GIT2: variants seen among roughly 807,000 people sequenced by gnomAD.
The protein encoded by GIT2 is ARF GTPase-activating protein GIT2.
GIT2 carries 32 observed loss-of-function variants against 100.3 expected under a neutral mutation model. The observed-to-expected ratio is 0.32, with a 90% confidence interval of 0.24 to 0.43. GIT2 has a LOEUF of 0.43. Ranked by LOEUF, GIT2 falls within the 20% of genes least tolerant of loss-of-function variation. The probability of loss-of-function intolerance (pLI) is 1.00; values close to 1 mark genes in which losing one functional copy is unlikely to be tolerated. For synonymous variants in GIT2, 353 were observed against 364.1 expected, an observed-to-expected ratio of 0.97 and a Z score of 0.35; for missense variants, 737 against 975.1, an observed-to-expected ratio of 0.76 and a Z score of 3.25.
intron 16 of GIT2, chr12:109,939,479 G>T (rs974023222): frequency 3.1e-5 from 12 of 386,272 alleles, no homozygotes; most frequent in African/African-American, 2.3e-4. Context: ...TTCCTAATCA[G>T]ATCCTTAGTA....
At chr12:109,997,021 C>T (rs1466996777), upstream of GIT2, among the ~76,000 whole-genome samples, 2 of 150,942 alleles carry the variant, frequency 1.3e-5, no homozygotes, top group African/African-American at 4.9e-5. Context: ...ACCAGCCTGG[C>T]CAACATGGTG....
Position 109,989,764 on chromosome 12 carries a change from T to C in GIT2, c.225A>G (p.Ile75Met), listed in dbSNP as rs749972562. The C allele has an allele frequency of 3.1e-6, 5 of 1,605,750 alleles. No homozygotes were observed. The African/African-American group carries it at 5.4e-5, about 17-fold the overall frequency. Residue 75 changes from isoleucine (I) to methionine (M), a missense_variant, in exon 3 of 20, where the codon ATA becomes ATG. Transcript: ENST00000355312. ...ETLYNNGANS[I>M]WEHSLLDPAS... Reference sequence around the variant, plus strand: ...CAGGGTCCAGCAAAGAATGCTCCCATATAGAGTTAGCACCGTTATTATACA... The same window carrying C: ...CAGGGTCCAGCAAAGAATGCTCCCACATAGAGTTAGCACCGTTATTATACA...
chr12:109,939,199 T>G lies in GIT2; in HGVS notation c.1780A>C (p.Asn594His). 7.4e-6 allele frequency: 12 copies of G among 1,611,650 alleles called. No homozygotes were observed. The highest frequency in any genetic ancestry group is 1.0e-5 in the Non-Finnish European group (12 of 1,177,912). The change falls in exon 17 of 20, where the codon AAC becomes CAC. Residue 594 changes from asparagine to histidine, a missense_variant. Physicochemically the swap from Asn to His is moderately conservative, Grantham distance 68 (BLOSUM62 1). Transcript: ENST00000355312. ...TCTGGCTCCATGTCGTTGGGAGTGT[T>G]GTCGTAGTCACTCTCAGGTGTGCTG... is the stretch of plus-strand genomic sequence containing the variant. ...QNSTPESDYD[N>H]TPNDMEPDGM...
Position 109,934,191 on chromosome 12 carries a change from G to T in GIT2, c.2004-106C>A. The stretch of plus-strand genomic sequence containing the variant: ...CTGTTTACATTCCCTTCATGAAGGG[G>T]CTAGGGCTGCAGTCAGCCGTGCATC... On this transcript the variant is annotated intron_variant, in intron 18 of 19. Transcript: ENST00000355312. This position sits in a 1 kb window ranked among gnomAD's most constrained non-coding sequence, Gnocchi z 4.5. 1.4e-6 allele frequency: 1 copy of T among 725,184 alleles called. No homozygotes were observed. 44.9% of individuals were successfully genotyped at this position (725,184 alleles called of 1,614,324 possible). A position where few individuals can be genotyped will look rare whatever the true frequency, so the allele number is the denominator to read the frequency against.
chr12:109,952,111 C>T (rs761211916), intron 13 of GIT2, among the ~76,000 whole-genome samples: 33 of 152,158 alleles, frequency 2.2e-4, no homozygotes, highest in Non-Finnish European at 4.3e-4. Flanking sequence ...CTGCTAATGA[C>T]GCCATCTTTC....
At chr12:109,958,407 A>G (rs1035751349) in intron 12 of GIT2, among the ~76,000 whole-genome samples, 1 of 151,340 alleles carries the variant, frequency 6.6e-6, no homozygotes, top group African/African-American at 2.4e-5. Flanking sequence ...ACGCCCAGCT[A>G]ATTTTTTTGT....
Position 109,931,349 on chromosome 12 carries a change from G to A in GIT2, c.*1629C>T, listed in dbSNP as rs1871605165. ...CAGAGGCTGCTCCAGGTGTGTCCGG[G>A]GAAGCCAGGCCCTCACACTGCACAG... is the stretch of plus-strand genomic sequence containing the variant. On this transcript the variant is annotated 3_prime_UTR_variant, in exon 20 of 20. Transcript: ENST00000355312. 1 of 152,248 alleles carries A rather than the reference G, an allele frequency of 6.6e-6. No individual in the cohort carries two copies. Among genetic ancestry groups the A allele is most frequent in the African/African-American group, 2.4e-5 (1 of 41,434 alleles). 9.4% of individuals were successfully genotyped at this position (152,248 alleles called of 1,614,324 possible).
At position 109,947,148 on chromosome 12, in the gene GIT2, A is replaced by G; in HGVS notation, c.1641+108T>C. The G allele has an allele frequency of 1.0e-6, 1 of 988,702 alleles. No individual in the cohort carries two copies. The highest frequency in any genetic ancestry group is 1.5e-6 in the Non-Finnish European group (1 of 651,696). 61.2% of individuals were successfully genotyped at this position (988,702 alleles called of 1,614,324 possible). A position where few individuals can be genotyped will look rare whatever the true frequency, so the allele number is the denominator to read the frequency against. On this transcript the variant is annotated intron_variant, in intron 15 of 19. Transcript: ENST00000355312. This position sits in a 1 kb window ranked among gnomAD's most constrained non-coding sequence, Gnocchi z 4.3. ...CAGCAAACACAATGGTAACTCTCTT[A>G]GTCCAATTTGGCAAAGCAGAGCTGT...
chr12:109,994,766 T>C (rs767296108), intron 1 of GIT2, among the ~76,000 whole-genome samples: 4 of 152,138 alleles, frequency 2.6e-5, no homozygotes, highest in African/African-American at 9.7e-5. Context: ...GCTAGACACA[T>C]GTGAATCAAA....
rs748628189 is a variant in GIT2, at chr12:109,991,309, C to CAA, written c.186+316_186+317dup. ...TGGATGACAGAGTGAGAGTCCGTCT[C>CAA]AAAAAAAAAAAAAAAACATTTCCGA... On this transcript the variant is annotated intron_variant, in intron 2 of 19. Transcript: ENST00000355312. Among the ~76,000 whole-genome samples, 420 of 76,504 alleles carry CAA rather than the reference C, an allele frequency of 5.5e-3. 2 individuals are homozygous for CAA. The highest frequency in any genetic ancestry group is 9.5e-3 in the Non-Finnish European group (334 of 35,114). The allele number at this position is 76,504 out of a possible 152,430, so 50.2% of individuals were successfully genotyped here.
At chr12:109,985,315 C>T (rs1279698266) in intron 4 of GIT2, among the ~76,000 whole-genome samples, 5 of 151,916 alleles carry the variant, frequency 3.3e-5, no homozygotes, top group Non-Finnish European at 4.4e-5. Flanking sequence ...AAAAACCCAA[C>T]ACATACCAAG....
rs1283764082 is a variant in GIT2 at position 109,996,287 on chromosome 12, CG to C, written c.-64del. The C allele has an allele frequency of 4.2e-6, 5 of 1,204,142 alleles. No individual in the cohort carries two copies. The highest frequency in any genetic ancestry group is 5.9e-6 in the Non-Finnish European group (5 of 853,156). 74.6% of individuals were successfully genotyped at this position (1,204,142 alleles called of 1,614,324 possible). On this transcript the variant is annotated 5_prime_UTR_variant, in exon 1 of 20. Transcript: ENST00000355312. ...GGGACAGCAAAGGCGGCGGTGGCGG[CG>C]GCGCTTCCGCTCTAACGGGTCCCAG...
chr12:109,975,951 T>G (rs1245600619), intron 7 of GIT2, among the ~76,000 whole-genome samples: 1 of 151,890 alleles, frequency 6.6e-6, no homozygotes, highest in Non-Finnish European at 1.5e-5. Flanking sequence ...TTTGTATTTT[T>G]AGAAGAGACA....
chr12:109,952,905 T>A (rs895422597), intron 13 of GIT2, 187 bp downstream of exon 13: 5 of 609,050 alleles, frequency 8.2e-6, no homozygotes, highest in South Asian at 8.2e-5. Context: ...ACAAGTTTTA[T>A]AAAGTCTCAA....
intron 8 of GIT2, among the ~76,000 whole-genome samples, chr12:109,966,400 T>A (rs899283136): frequency 6.7e-6 from 1 of 148,408 alleles, no homozygotes; most frequent in Middle Eastern, 3.6e-3. Flanking sequence ...TCCCAGCAAC[T>A]CGGGAGGCGG....
At chr12:109,970,788 A>C (rs1385269353) in intron 7 of GIT2, among the ~76,000 whole-genome samples, 1 of 152,076 alleles carries the variant, frequency 6.6e-6, no homozygotes, top group African/African-American at 2.4e-5. Context: ...TGAATTTTTA[A>C]ATTATTATTA....
chr12:109,961,225 C>T, intron 11 of GIT2, 53 bp downstream of exon 11: 2 of 978,772 alleles, frequency 2.0e-6, no homozygotes, highest in Non-Finnish European at 3.3e-6. Flanking sequence ...AAAAATGAAA[C>T]ATGACATCAG....
chr12:109,946,491 T>G (rs943856560), intron 15 of GIT2, among the ~76,000 whole-genome samples: 1 of 152,212 alleles, frequency 6.6e-6, no homozygotes, highest in African/African-American at 2.4e-5. Context: ...AACACATATT[T>G]TTATAATAAA....
At chr12:109,989,858 G>C in intron 2 of GIT2, 56 bp from the exon 3 acceptor site, 1 of 892,230 alleles carries the variant, frequency 1.1e-6, no homozygotes, top group Non-Finnish European at 1.9e-6. Flanking sequence ...ATATTCAATG[G>C]GGATCAGTGA....
Sources: allele counts gnomAD v4.1 joint callset (sites outside exome capture counted in the v4.1 genomes callset), GRCh38; gene constraint gnomAD v4.1.1; non-coding constraint Gnocchi (gnomAD v3.1); transcripts MANE v1.5; gene names NCBI Gene and HGNC (gene_info 2026-07-23, HGNC 2026-07-21).